The following CLVS1 variants were observed in gnomAD, a reference collection of about 807,000 sequenced individuals.
CLVS1 encodes the protein clavesin-1.
A neutral mutation model predicts 33.1 loss-of-function variants in CLVS1; 10 were observed. That is an observed-to-expected ratio of 0.30 (90% confidence interval 0.19 to 0.51). CLVS1 has a LOEUF of 0.51. Among genes scored for constraint, CLVS1 ranks in the 20% least tolerant of loss-of-function variants. The probability of loss-of-function intolerance (pLI) is 0.97; values close to 1 mark genes in which losing one functional copy is unlikely to be tolerated. For missense variants in CLVS1, 343 were observed against 433.4 expected, an observed-to-expected ratio of 0.79 and a Z score of 1.85; for synonymous variants, 163 against 166.1, an observed-to-expected ratio of 0.98 and a Z score of 0.14.
chr8:61,111,464 T>A (rs1037919846), intron 1 of CLVS1, among the ~76,000 whole-genome samples: 2 of 152,166 alleles, frequency 1.3e-5, no homozygotes, highest in African/African-American at 2.4e-5. Context: ...GACAAAATAA[T>A]TGGGAATGGA....
intron 2 of CLVS1, among the ~76,000 whole-genome samples, chr8:61,185,023 GT>G (rs918210658): frequency 3.3e-5 from 5 of 151,740 alleles, no homozygotes; most frequent in African/African-American, 1.2e-4. Flanking sequence ...ATGGTTTTAG[GT>G]TTTTTTCTAG....
At chr8:61,129,580 G>A (rs758578059) in intron 1 of CLVS1, among the ~76,000 whole-genome samples, 5 of 152,192 alleles carry the variant, frequency 3.3e-5, no homozygotes, top group Non-Finnish European at 5.9e-5. Flanking sequence ...TAGAGGCTGG[G>A]AAGTCCAAGA....
intron 1 of CLVS1, among the ~76,000 whole-genome samples, chr8:61,294,322 C>T (rs2931293): frequency 0.27 from 40,920 of 152,030 alleles, 6,736 homozygotes; most frequent in Non-Finnish European, 0.35. Context: ...TAGTAATAAC[C>T]TACCTTTAAG....
chr8:61,487,348 T>C (rs1251982623), intron 5 of CLVS1, among the ~76,000 whole-genome samples: 2 of 152,250 alleles, frequency 1.3e-5, no homozygotes, highest in African/African-American at 4.8e-5. Context: ...AGATAGGTTA[T>C]TATCCACATT....
At chr8:60,975,827 G>T in the CLVS1 span, among the ~76,000 whole-genome samples, 4 of 152,144 alleles carry the variant, frequency 2.6e-5, no homozygotes, top group Non-Finnish European at 5.9e-5. Flanking sequence ...GGAGCTAGTT[G>T]TGCTGGAGTA....
chr8:61,450,088 CTCTCA>C (rs1816900470), intron 3 of CLVS1, among the ~76,000 whole-genome samples: 1 of 152,152 alleles, frequency 6.6e-6, no homozygotes, highest in African/African-American at 2.4e-5. Flanking sequence ...TGGTATTATG[CTCTCA>C]TCTCAGAGGC....
Position 61,103,346 on chromosome 8 carries a change from A to T in CLVS1, c.-242-28424A>T, listed in dbSNP as rs763792006. 2.6e-5 allele frequency among the ~76,000 whole-genome samples: 4 copies of T among 152,208 alleles called. No homozygotes were observed. The South Asian group carries it at 8.3e-4, about 32-fold the overall frequency. ...TGCCAAGGACCAAAAGTAGGCATGA[A>T]GATTATTGATTTATGATTAACTTGT... On this transcript the variant is annotated intron_variant, in intron 1 of 2. Transcript: ENST00000522621.
At chr8:61,155,252 G>T (rs1806627153) in intron 2 of CLVS1, among the ~76,000 whole-genome samples, 1 of 152,166 alleles carries the variant, frequency 6.6e-6, no homozygotes, top group Non-Finnish European at 1.5e-5. Context: ...ACATTGTCTT[G>T]ATTACTTGCA....
At chr8:61,250,730 G>C (rs950707190) in intron 2 of CLVS1, among the ~76,000 whole-genome samples, 3 of 152,120 alleles carry the variant, frequency 2.0e-5, no homozygotes, top group East Asian at 1.9e-4. Flanking sequence ...TCTGTTATTG[G>C]TGTAAAGGAA....
At chr8:61,292,877 G>A (rs1381570661) in intron 1 of CLVS1, among the ~76,000 whole-genome samples, 2 of 152,116 alleles carry the variant, frequency 1.3e-5, no homozygotes, top group Non-Finnish European at 2.9e-5. Context: ...TTGCCCCAAA[G>A]AAAACTGCAA....
At chr8:61,447,662 C>T (rs919610839) in intron 3 of CLVS1, among the ~76,000 whole-genome samples, 4 of 151,846 alleles carry the variant, frequency 2.6e-5, no homozygotes, top group African/African-American at 9.7e-5. Context: ...ATCCCTTTTT[C>T]CTCACTAATT....
chr8:61,482,738 T>C (rs1818244528), intron 5 of CLVS1, among the ~76,000 whole-genome samples: 1 of 152,040 alleles, frequency 6.6e-6, no homozygotes, highest in Non-Finnish European at 1.5e-5. Context: ...TATAACAAAC[T>C]GTCTCTCAGA....
intron 2 of CLVS1, among the ~76,000 whole-genome samples, chr8:61,319,726 T>A (rs965025644): frequency 4.6e-5 from 7 of 152,194 alleles, no homozygotes; most frequent in Non-Finnish European, 8.8e-5. Flanking sequence ...TTCTGTTTGA[T>A]TGGGGAAAGG....
At chr8:61,374,523 C>T (rs1159856093) in intron 2 of CLVS1, among the ~76,000 whole-genome samples, 1 of 152,134 alleles carries the variant, frequency 6.6e-6, no homozygotes, top group Non-Finnish European at 1.5e-5. Context: ...TCAATGTTTG[C>T]TTCCAATACA....
chr8:61,033,161 A>AAGAAAGAAAAAT, the CLVS1 span, among the ~76,000 whole-genome samples: 1 of 92,210 alleles, frequency 1.1e-5, no homozygotes, highest in African/African-American at 4.4e-5. Flanking sequence ...GAAAGAAAGA[A>AAGAAAGAAAAAT]AAAGAAAGAA....
chr8:61,128,281 G>T (rs1379365644), intron 1 of CLVS1, among the ~76,000 whole-genome samples: 2 of 152,200 alleles, frequency 1.3e-5, no homozygotes, highest in African/African-American at 2.4e-5. Context: ...GCAAGGAGGG[G>T]TAAGGCCTAA....
At chr8:61,411,629 A>G (rs1363071762) in intron 3 of CLVS1, among the ~76,000 whole-genome samples, 7 of 152,208 alleles carry the variant, frequency 4.6e-5, no homozygotes, top group African/African-American at 1.7e-4. Context: ...CTCTGTGGGT[A>G]CTTCTAAAGA....
At position 61,303,143 on chromosome 8, in the gene CLVS1, C is replaced by T. The variant is rs146064790; in HGVS notation, c.455+2861C>T. Among the ~76,000 whole-genome samples the T allele has an allele frequency of 2.1e-3, 319 of 152,246 alleles. 1 individual carries two copies. Among genetic ancestry groups the T allele is most frequent in the African/African-American group, 7.3e-3 (305 of 41,520 alleles). On this transcript the variant is annotated intron_variant, in intron 2 of 5. Coordinates refer to ENST00000325897, the MANE Select transcript of CLVS1 (RefSeq NM_173519.3). The stretch of plus-strand genomic sequence containing the variant: ...GTTGTTTTCAGTGTTCTAGAACTTC[C>T]ATCTGCTAAGACAGATGAGGTAGAG...
At chr8:61,197,910 GCA>G (rs1335496065) in intron 2 of CLVS1, among the ~76,000 whole-genome samples, 1 of 152,218 alleles carries the variant, frequency 6.6e-6, no homozygotes, top group Non-Finnish European at 1.5e-5. Context: ...TCCCCAAAGT[GCA>G]CAGACTCTTC....
Sources: allele counts gnomAD v4.1 joint callset (sites outside exome capture counted in the v4.1 genomes callset), GRCh38; gene constraint gnomAD v4.1.1; transcripts MANE v1.5; gene names NCBI Gene and HGNC (gene_info 2026-07-23, HGNC 2026-07-21).